The following GAREM1 variants were observed in gnomAD, a reference collection of about 807,000 sequenced individuals.
GAREM1 encodes the protein GRB2 associated regulator of MAPK1 subtype 1, also known as GRB2-associated and regulator of MAPK protein 1.
GAREM1 carries 26 observed loss-of-function variants against 71.3 expected under a neutral mutation model. That is an observed-to-expected ratio of 0.36 (90% CI 0.27 to 0.51). The LOEUF (loss-of-function observed/expected upper bound fraction) is 0.51, where lower values mean the gene tolerates loss of function less well. Among genes scored for constraint, GAREM1 ranks in the 20% least tolerant of loss-of-function variants. The pLI, the probability that GAREM1 is intolerant of heterozygous loss-of-function variation, is 0.95. For missense variants in GAREM1, 1,026 were observed against 1,103.1 expected (o/e 0.93, Z 0.99); for synonymous variants, 440 against 433.2 (o/e 1.02, Z -0.20).
intron 2 of GAREM1, among the ~76,000 whole-genome samples, chr18:32,356,373 G>A (rs952866471): frequency 6.6e-6 from 1 of 152,136 alleles, no homozygotes; most frequent in Non-Finnish European, 1.5e-5. Context: ...TTACTGCTAT[G>A]CTTTTTGACT....
chr18:32,299,536 A>G (rs34435965), intron 3 of GAREM1, among the ~76,000 whole-genome samples: 1 of 148,362 alleles, frequency 6.7e-6, no homozygotes, highest in Non-Finnish European at 1.5e-5. Context: ...AAAAAAAAAA[A>G]GTGGCTATAT....
intron 2 of GAREM1, among the ~76,000 whole-genome samples, chr18:32,349,985 G>C (rs1296039146): frequency 6.6e-6 from 1 of 152,230 alleles, no homozygotes; most frequent in Non-Finnish European, 1.5e-5. Context: ...AGGGCTCCAA[G>C]TGTCTGAAGC....
At chr18:32,281,832 T>C (rs542444541) in intron 4 of GAREM1, among the ~76,000 whole-genome samples, 81 of 152,344 alleles carry the variant, frequency 5.3e-4, no homozygotes, top group Non-Finnish European at 7.5e-4. Flanking sequence ...TGCACGTATA[T>C]GCCCAGATGG....
intron 4 of GAREM1, among the ~76,000 whole-genome samples, chr18:32,283,482 G>A (rs1323345820): frequency 2.0e-5 from 3 of 152,136 alleles, no homozygotes. Context: ...GGGAGACGGA[G>A]GTTGCAGTGA....
intron 3 of GAREM1, among the ~76,000 whole-genome samples, chr18:32,288,518 T>C (rs1046380119): frequency 2.6e-5 from 4 of 151,888 alleles, no homozygotes; most frequent in Non-Finnish European, 4.4e-5. Context: ...TGAATGCTGA[T>C]GTAGAAAATT....
rs539494710 is a variant in GAREM1 at position 32,364,097 on chromosome 18, C to G, written c.262+28798G>C. ...TCGCCCAGGCTGGAGTGCAGTGGTG[C>G]GATCTCAGCTCACTGCAACCTCCAC... On this transcript the variant is annotated intron_variant, in intron 2 of 5. Coordinates refer to ENST00000269209, the MANE Select transcript of GAREM1 (RefSeq NM_001242409.2). Among the ~76,000 whole-genome samples the G allele has an allele frequency of 5.3e-5, 7 of 130,942 alleles. No individual in the cohort carries two copies. In the South Asian group the frequency reaches 1.8e-3, roughly 33 times the overall value. 85.9% of individuals were successfully genotyped at this position (130,942 alleles called of 152,430 possible).
At chr18:32,370,075 C>A (rs945090603) in intron 2 of GAREM1, among the ~76,000 whole-genome samples, 1 of 152,206 alleles carries the variant, frequency 6.6e-6, no homozygotes, top group Non-Finnish European at 1.5e-5. Flanking sequence ...TGGCAGGGTG[C>A]GGGCTACTTC....
Position 32,267,794 on chromosome 18 carries a change from T to A in GAREM1, c.*77A>T. 8.2e-7 allele frequency: 1 copy of A among 1,220,004 alleles called. No homozygotes were observed. The allele number at this position is 1,220,004 out of a possible 1,614,324, so 75.6% of individuals were successfully genotyped here. On this transcript the variant is annotated 3_prime_UTR_variant, in exon 6 of 6. Transcript: ENST00000269209. ...AGAGAAGGTTTTTAGTGCAAAAACA[T>A]GAAATTGTGTCCCAGCCCACCCCTT...
chr18:32,451,255 A>ACCCCCCC (rs2048836306), intron 1 of GAREM1, among the ~76,000 whole-genome samples: 1 of 37,398 alleles, frequency 2.7e-5, no homozygotes, highest in Non-Finnish European at 5.6e-5. Flanking sequence ...CCATCCCCCC[A>ACCCCCCC]CCCCCAAGCT....
intron 3 of GAREM1, among the ~76,000 whole-genome samples, chr18:32,288,640 T>A (rs183746922): frequency 4.6e-4 from 70 of 152,044 alleles, no homozygotes; most frequent in African/African-American, 1.3e-3. Context: ...CTCAATTTTT[T>A]AAAAAATTAT....
At position 32,287,699 on chromosome 18, in the gene GAREM1, G is replaced by A. The variant is rs1327625794; in HGVS notation, c.898C>T (p.His300Tyr). 1 of 1,614,150 alleles carries A rather than the reference G, an allele frequency of 6.2e-7. No homozygotes were observed. The highest frequency in any genetic ancestry group is 1.1e-5 in the South Asian group (1 of 91,076). Residue 300 changes from histidine to tyrosine, a missense_variant, in exon 4 of 6, where the codon CAC becomes TAC. His to Tyr is a moderately conservative substitution (Grantham distance 83). Transcript: ENST00000269209. The surrounding 1 kb of genome is among the most constrained non-coding windows in gnomAD (Gnocchi z 5.9). ...AGGCTGAACTTGGGGACAGTCAAGT[G>A]CAAAGGAAAGTGCATGGGGAGGATC... ...NKILPMHFPL[H>Y]LTVPKFSLPE...
chr18:32,315,898 G>T (rs1407725413), intron 2 of GAREM1, among the ~76,000 whole-genome samples: 2 of 152,172 alleles, frequency 1.3e-5, no homozygotes, highest in African/African-American at 4.8e-5. Context: ...AAATAACAGA[G>T]TCTTGGTTTC....
intron 1 of GAREM1, among the ~76,000 whole-genome samples, chr18:32,430,513 C>G (rs1469903473): frequency 2.6e-5 from 4 of 152,142 alleles, no homozygotes; most frequent in Admixed American, 2.6e-4. Context: ...GTCTGGAGAT[C>G]CACAGCCTTT....
chr18:32,383,421 G>C (rs1172257870), intron 2 of GAREM1, among the ~76,000 whole-genome samples: 1 of 152,146 alleles, frequency 6.6e-6, no homozygotes, highest in African/African-American at 2.4e-5. Context: ...TTCAATTCAG[G>C]AAGTTTTGCT....
At chr18:32,297,540 T>A (rs1461093772) in intron 3 of GAREM1, among the ~76,000 whole-genome samples, 1 of 152,198 alleles carries the variant, frequency 6.6e-6, no homozygotes, top group Non-Finnish European at 1.5e-5. Context: ...GATTTCTAAG[T>A]TTTCATCTCC....
chr18:32,386,922 G>T (rs1567990241), intron 2 of GAREM1, among the ~76,000 whole-genome samples: 1 of 152,078 alleles, frequency 6.6e-6, no homozygotes, highest in Admixed American at 6.6e-5. Flanking sequence ...TTCTACAGTA[G>T]ATCTCCATTT....
At chr18:32,270,155 A>C (rs2041436197) in intron 5 of GAREM1, 62 bp downstream of exon 5, 1 of 1,546,426 alleles carries the variant, frequency 6.5e-7, no homozygotes, top group South Asian at 1.2e-5. Context: ...AATGCTTTCA[A>C]GAACCCATGA....
intron 1 of GAREM1, among the ~76,000 whole-genome samples, chr18:32,430,372 A>T (rs147960040): frequency 8.6e-4 from 131 of 152,360 alleles, no homozygotes; most frequent in African/African-American, 3.1e-3. Context: ...AAAGAAAAAA[A>T]GACCTGTACA....
At chr18:32,468,922 C>G (rs1348139366) in intron 1 of GAREM1, among the ~76,000 whole-genome samples, 1 of 151,486 alleles carries the variant, frequency 6.6e-6, no homozygotes, top group Non-Finnish European at 1.5e-5. Flanking sequence ...TTCCCACCCC[C>G]ACTCGAAGCA....
Sources: gnomAD v4.1 joint callset for allele counts (sites outside exome capture counted in the v4.1 genomes callset) on GRCh38, gnomAD v4.1.1 for gene constraint, Gnocchi (gnomAD v3.1) non-coding constraint, MANE v1.5 for transcripts, NCBI Gene and HGNC (gene_info 2026-07-23, HGNC 2026-07-21) for gene names.